The following WWOX variants were observed in gnomAD, a reference collection of about 807,000 sequenced individuals.
WWOX encodes WW domain containing oxidoreductase.
Under a neutral mutation model 46.2 loss-of-function variants are expected in WWOX, and 69 were observed. That is an observed-to-expected ratio of 1.49 (90% CI 1.23 to 1.82). The LOEUF (loss-of-function observed/expected upper bound fraction) is 1.82, where lower values mean the gene tolerates loss of function less well. WWOX is among the 40% of genes most tolerant of loss of function. WWOX has a pLI of 0.00. For missense variants in WWOX, 919 were observed against 542.6 expected, an observed-to-expected ratio of 1.69 and a Z score of -6.89; for synonymous variants, 359 against 202.6, an observed-to-expected ratio of 1.77 and a Z score of -6.56.
At chr16:78,141,484 T>C (rs1480834993) in intron 4 of WWOX, among the ~76,000 whole-genome samples, 8 of 139,612 alleles carry the variant, frequency 5.7e-5, no homozygotes, top group African/African-American at 1.9e-4. Context: ...TAGTGGAACC[T>C]CTGGCCCATT....
chr16:78,335,537 G>A (rs968049466), intron 5 of WWOX, among the ~76,000 whole-genome samples: 1 of 151,968 alleles, frequency 6.6e-6, no homozygotes, highest in Non-Finnish European at 1.5e-5. Flanking sequence ...TGAGCATTTG[G>A]AGTGATTCCG....
intron 8 of WWOX, among the ~76,000 whole-genome samples, chr16:78,697,570 T>C (rs2048127841): frequency 6.6e-6 from 1 of 151,686 alleles, no homozygotes; most frequent in African/African-American, 2.4e-5. Flanking sequence ...AAGCTAACAA[T>C]CCCATCAAAA....
At chr16:78,968,377 A>G (rs935734790) in intron 8 of WWOX, among the ~76,000 whole-genome samples, 5 of 151,608 alleles carry the variant, frequency 3.3e-5, no homozygotes, top group African/African-American at 7.3e-5. Context: ...GTGTAGATGG[A>G]GATAAATTGT....
At chr16:78,901,364 T>C (rs547706088) in intron 8 of WWOX, among the ~76,000 whole-genome samples, 22 of 152,342 alleles carry the variant, frequency 1.4e-4, no homozygotes, top group African/African-American at 4.6e-4. Context: ...CACGGAAATA[T>C]TTCGGATGGA....
At chr16:78,612,954 C>CT (rs1290524592) in intron 8 of WWOX, among the ~76,000 whole-genome samples, 2 of 152,210 alleles carry the variant, frequency 1.3e-5, no homozygotes, top group Admixed American at 6.5e-5. Flanking sequence ...TCTGGGGTCA[C>CT]TACCAACCTT....
chr16:78,863,497 G>A (rs951682207), intron 8 of WWOX, among the ~76,000 whole-genome samples: 1 of 152,262 alleles, frequency 6.6e-6, no homozygotes, highest in Middle Eastern at 3.4e-3. Flanking sequence ...ATGGACCACT[G>A]GTCCCTGCTG....
Position 78,929,945 on chromosome 16 carries a change from C to A in WWOX, c.1057-281663C>A, listed in dbSNP as rs1322238526. 3.3e-5 allele frequency among the ~76,000 whole-genome samples: 5 copies of A among 152,084 alleles called. No homozygotes were observed. The East Asian group carries it at 7.7e-4, about 24-fold the overall frequency. ...ACACGGTAGTTCAGGATAAAAATTC[C>A]CTGTGCTAACTGCCCTTGCAGCTAG... On this transcript the variant is annotated intron_variant, in intron 8 of 8. Transcript: ENST00000566780.
chr16:78,629,828 A>AC (rs2046386845), intron 8 of WWOX, among the ~76,000 whole-genome samples: 1 of 152,272 alleles, frequency 6.6e-6, no homozygotes, highest in African/African-American at 2.4e-5. Context: ...TTTTAGAAAT[A>AC]GAAAAAACTA....
intron 8 of WWOX, among the ~76,000 whole-genome samples, chr16:79,107,876 TTA>T (rs1206939677): frequency 6.6e-6 from 1 of 152,178 alleles, no homozygotes; most frequent in African/African-American, 2.4e-5. Flanking sequence ...GATACTACAG[TTA>T]TAGGATGAAG....
intron 8 of WWOX, among the ~76,000 whole-genome samples, chr16:78,588,422 G>A (rs2045270691): frequency 6.6e-6 from 1 of 152,160 alleles, no homozygotes; most frequent in African/African-American, 2.4e-5. Flanking sequence ...CTCAGATGAG[G>A]CTTGCTCTCA....
chr16:79,022,283 C>T (rs1036508960), intron 8 of WWOX, among the ~76,000 whole-genome samples: 4 of 148,398 alleles, frequency 2.7e-5, no homozygotes, highest in South Asian at 2.1e-4. Flanking sequence ...GCGAAAAGCT[C>T]GCTCTGATGC....
intron 5 of WWOX, among the ~76,000 whole-genome samples, chr16:78,292,487 C>G (rs1338705278): frequency 6.6e-6 from 1 of 152,014 alleles, no homozygotes; most frequent in Non-Finnish European, 1.5e-5. Flanking sequence ...AATAACAGAG[C>G]CAAGTATTTT....
At chr16:78,490,939 C>G (rs58215578) in intron 8 of WWOX, among the ~76,000 whole-genome samples, 1,880 of 152,258 alleles carry the variant, frequency 0.012, 28 homozygotes, top group African/African-American at 0.043. Flanking sequence ...GAAGAGGCAT[C>G]ACGGGCAACT....
intron 8 of WWOX, among the ~76,000 whole-genome samples, chr16:78,867,829 C>G (rs1046314273): frequency 1.4e-4 from 22 of 152,270 alleles, no homozygotes; most frequent in African/African-American, 4.6e-4. Context: ...AAAATGAATT[C>G]TAGCCCCAGA....
At chr16:78,198,192 C>T (rs1175804855) in intron 5 of WWOX, among the ~76,000 whole-genome samples, 1 of 152,076 alleles carries the variant, frequency 6.6e-6, no homozygotes, top group Non-Finnish European at 1.5e-5. Flanking sequence ...CTTGTCTGGT[C>T]ATGCAGCTAC....
At chr16:78,313,066 T>A (rs951201228) in intron 5 of WWOX, among the ~76,000 whole-genome samples, 2 of 152,210 alleles carry the variant, frequency 1.3e-5, no homozygotes, top group African/African-American at 4.8e-5. Context: ...TCAGATTACT[T>A]CTTTTTCAAC....
intron 8 of WWOX, among the ~76,000 whole-genome samples, chr16:78,747,865 C>T (rs1011184493): frequency 1.3e-5 from 2 of 152,184 alleles, no homozygotes; most frequent in Non-Finnish European, 2.9e-5. Flanking sequence ...TAATCTTTCT[C>T]TCTGCCTCAG....
intron 8 of WWOX, among the ~76,000 whole-genome samples, chr16:78,476,886 C>T (rs532730452): frequency 2.8e-4 from 43 of 152,184 alleles, no homozygotes; most frequent in African/African-American, 7.7e-4. Context: ...TTCCCATCTT[C>T]TTCCTCCCTC....
chr16:78,928,579 G>T lies in WWOX; in HGVS notation c.1057-283029G>T, dbSNP rs144457843. ...TTCGTTACAGATATTTGATGCTTTG[G>T]GGGCCTGTTAAAATAGTTGTAAATA... On this transcript the variant is annotated intron_variant, in intron 8 of 8. Coordinates refer to ENST00000566780, the MANE Select transcript of WWOX (RefSeq NM_016373.4). Among the ~76,000 whole-genome samples, 1,221 of 152,130 alleles carry T rather than the reference G, an allele frequency of 8.0e-3. 13 individuals are homozygous for T. The highest frequency in any genetic ancestry group is 0.028 in the African/African-American group (1,154 of 41,502).
Sources: gnomAD v4.1 joint callset for allele counts (sites outside exome capture counted in the v4.1 genomes callset) on GRCh38, gnomAD v4.1.1 for gene constraint, MANE v1.5 for transcripts, NCBI Gene and HGNC (gene_info 2026-07-23, HGNC 2026-07-21) for gene names.